The following AGBL4 variants were observed in gnomAD, a reference collection of about 807,000 sequenced individuals.
The protein encoded by AGBL4 is AGBL carboxypeptidase 4, also known as cytosolic carboxypeptidase 6.
In AGBL4, 58 loss-of-function variants were observed where a neutral mutation model predicts 66.4. That is an observed-to-expected ratio of 0.87 (90% CI 0.71 to 1.09). The LOEUF is 1.09. Ranked by LOEUF, AGBL4 falls within the 50% of genes least tolerant of loss-of-function variation. The pLI, the probability that AGBL4 is intolerant of heterozygous loss-of-function variation, is 0.00. For synonymous variants in AGBL4, 234 were observed against 222.9 expected, an observed-to-expected ratio of 1.05 and a Z score of -0.44; for missense variants, 579 against 631.0, an observed-to-expected ratio of 0.92 and a Z score of 0.88.
At chr1:49,622,813 T>A (rs1380152968) in intron 3 of AGBL4, among the ~76,000 whole-genome samples, 1 of 152,152 alleles carries the variant, frequency 6.6e-6, no homozygotes, top group African/African-American at 2.4e-5. Context: ...ATTGCCATGA[T>A]ATTTTGTGCT....
intron 6 of AGBL4, among the ~76,000 whole-genome samples, chr1:48,735,932 A>C (rs1332097187): frequency 1.3e-5 from 2 of 152,034 alleles, no homozygotes; most frequent in Admixed American, 6.5e-5. Context: ...CGTCCCCAGG[A>C]ATTCTTCCCT....
Position 49,260,231 on chromosome 1 carries a change from G to C in AGBL4, c.283-14367C>G, listed in dbSNP as rs1226972972. On this transcript the variant is annotated intron_variant, in intron 3 of 13. Transcript: ENST00000371839. ...GAAAGATCCAAAATTGACACCCTAA[G>C]ATCACAATTAAAAGAACTAGAAAAG... Among the ~76,000 whole-genome samples, 54 of 151,554 alleles carry C rather than the reference G, an allele frequency of 3.6e-4. 1 individual carries two copies. In the Middle Eastern group the frequency reaches 0.01, roughly 29 times the overall value.
chr1:49,034,147 A>G (rs902895202), intron 5 of AGBL4, among the ~76,000 whole-genome samples: 1 of 152,060 alleles, frequency 6.6e-6, no homozygotes, highest in Non-Finnish European at 1.5e-5. Context: ...TTTCTCATTC[A>G]TCATACCATT....
chr1:49,626,335 C>T (rs1645462168), intron 3 of AGBL4, among the ~76,000 whole-genome samples: 1 of 152,134 alleles, frequency 6.6e-6, no homozygotes, highest in Admixed American at 6.6e-5. Context: ...CCCATCCTTA[C>T]ATCTGGATTG....
At chr1:49,887,254 T>A (rs1367172139) in intron 1 of AGBL4, among the ~76,000 whole-genome samples, 1 of 150,866 alleles carries the variant, frequency 6.6e-6, no homozygotes, top group Non-Finnish European at 1.5e-5. Flanking sequence ...TGTGTGTGTA[T>A]ATATACACAT....
intron 6 of AGBL4, among the ~76,000 whole-genome samples, chr1:48,789,759 G>A (rs938350934): frequency 6.6e-6 from 1 of 152,128 alleles, no homozygotes; most frequent in South Asian, 2.1e-4. Flanking sequence ...GAACTTTAAG[G>A]TCCTCTGGCA....
At chr1:49,356,178 A>C (rs890499062) in intron 3 of AGBL4, among the ~76,000 whole-genome samples, 4 of 152,228 alleles carry the variant, frequency 2.6e-5, no homozygotes, top group Admixed American at 2.0e-4. Context: ...TGGGGGGATC[A>C]GAAGAAACCT....
At chr1:49,378,929 C>T (rs1367370118) in intron 3 of AGBL4, among the ~76,000 whole-genome samples, 1 of 151,970 alleles carries the variant, frequency 6.6e-6, no homozygotes, top group Non-Finnish European at 1.5e-5. Flanking sequence ...TGATTCTCTC[C>T]AGAGAAGGTT....
At chr1:48,819,976 C>T (rs912405769) in intron 6 of AGBL4, among the ~76,000 whole-genome samples, 2 of 152,200 alleles carry the variant, frequency 1.3e-5, no homozygotes, top group Non-Finnish European at 2.9e-5. Context: ...CATGTAGCCA[C>T]ACAAAGCCAT....
intron 2 of AGBL4, among the ~76,000 whole-genome samples, chr1:49,723,181 T>G (rs1648741533): frequency 6.6e-6 from 1 of 152,128 alleles, no homozygotes; most frequent in Non-Finnish European, 1.5e-5. Context: ...TTTAAAATCT[T>G]GAGCCTCTCC....
chr1:49,537,606 A>T (rs538946233), intron 3 of AGBL4, among the ~76,000 whole-genome samples: 1 of 152,360 alleles, frequency 6.6e-6, no homozygotes, highest in East Asian at 1.9e-4. Context: ...GTGAGATAAC[A>T]TCTTACCCCT....
chr1:49,297,512 C>A (rs979678254), intron 3 of AGBL4, among the ~76,000 whole-genome samples: 1 of 152,132 alleles, frequency 6.6e-6, no homozygotes, highest in Non-Finnish European at 1.5e-5. Context: ...ACTGATTCTG[C>A]CACTTACTAG....
chr1:49,918,497 A>G (rs1451940046), intron 1 of AGBL4, among the ~76,000 whole-genome samples: 1 of 152,162 alleles, frequency 6.6e-6, no homozygotes, highest in Non-Finnish European at 1.5e-5. Context: ...AGAAATGGAT[A>G]AATTCCTCGA....
At chr1:48,962,256 T>C (rs779914251) in intron 5 of AGBL4, among the ~76,000 whole-genome samples, 3 of 152,206 alleles carry the variant, frequency 2.0e-5, no homozygotes, top group Non-Finnish European at 4.4e-5. Flanking sequence ...TTAACTTAAA[T>C]TTCTTTAAAA....
intron 6 of AGBL4, chr1:48,727,513 A>C (rs1188383174): frequency 6.4e-6 from 1 of 156,654 alleles, no homozygotes; most frequent in Admixed American, 6.4e-5. Context: ...GAGGATAAAG[A>C]CTATCTACAT....
intron 3 of AGBL4, among the ~76,000 whole-genome samples, chr1:49,391,608 C>T (rs1285643848): frequency 7.1e-6 from 1 of 140,072 alleles, no homozygotes; most frequent in African/African-American, 2.7e-5. Flanking sequence ...ATCGCCCAGG[C>T]TGGAGTACAG....
chr1:49,857,827 T>C (rs1006629155), intron 1 of AGBL4, among the ~76,000 whole-genome samples: 7 of 152,060 alleles, frequency 4.6e-5, no homozygotes, highest in African/African-American at 1.7e-4. Context: ...GGCTAAGACA[T>C]CAAAAGCACA....
chr1:48,590,795 G>T (rs1054868016), intron 10 of AGBL4, 38 bp downstream of exon 10: 5 of 1,563,420 alleles, frequency 3.2e-6, no homozygotes, highest in Non-Finnish European at 4.3e-6. Context: ...GCAGGGTGTG[G>T]GGGGCTGGGG....
chr1:49,297,809 G>A lies in AGBL4; in HGVS notation c.283-51945C>T, dbSNP rs575882932. Among the ~76,000 whole-genome samples the A allele has an allele frequency of 7.4e-4, 112 of 152,168 alleles. 1 individual carries two copies. The highest frequency in any genetic ancestry group is 2.6e-3 in the African/African-American group (108 of 41,506). On this transcript the variant is annotated intron_variant, in intron 3 of 13. Coordinates refer to ENST00000371839, the MANE Select transcript of AGBL4 (RefSeq NM_032785.4). ...CAGTCCAAGTACCTAAGCCTATTATGATTTCCTAAAATTCAAGGCACAGAA... is the reference window on the plus strand; with the variant it reads ...CAGTCCAAGTACCTAAGCCTATTATAATTTCCTAAAATTCAAGGCACAGAA...
Sources: gnomAD v4.1 joint callset for allele counts (sites outside exome capture counted in the v4.1 genomes callset) on GRCh38, gnomAD v4.1.1 for gene constraint, MANE v1.5 for transcripts, NCBI Gene and HGNC (gene_info 2026-07-23, HGNC 2026-07-21) for gene names.